HIBCH: variants seen among roughly 807,000 people sequenced by gnomAD.
HIBCH encodes the protein 3-hydroxyisobutyryl-CoA hydrolase.
Under a neutral mutation model 58.2 loss-of-function variants are expected in HIBCH, and 50 were observed. The ratio of observed to expected loss-of-function variants is 0.86; its 90% CI spans 0.68 to 1.09. HIBCH has a LOEUF of 1.09. Ranked by LOEUF, HIBCH falls within the 50% of genes least tolerant of loss-of-function variation. HIBCH has a pLI of 0.00. For missense variants in HIBCH, 450 were observed against 449.7 expected (o/e 1.00, Z -0.01); for synonymous variants, 151 against 146.9 (o/e 1.03, Z -0.20).
chr2:190,222,881 T>C (rs1685764406), intron 11 of HIBCH, among the ~76,000 whole-genome samples: 1 of 152,332 alleles, frequency 6.6e-6, no homozygotes, highest in Admixed American at 6.5e-5. Flanking sequence ...CAAATGTCCA[T>C]CAATGACAGA....
chr2:190,241,447 T>G (rs1007455365), intron 11 of HIBCH, among the ~76,000 whole-genome samples: 5 of 152,180 alleles, frequency 3.3e-5, no homozygotes, highest in African/African-American at 1.2e-4. Flanking sequence ...TTTTAATTGG[T>G]GCATTTAGCC....
At chr2:190,319,525 G>A (rs181365818) in intron 1 of HIBCH, among the ~76,000 whole-genome samples, 191 bp downstream of exon 1, 481 of 152,098 alleles carry the variant, frequency 3.2e-3, no homozygotes, top group African/African-American at 0.011. Context: ...CTGCAAAGAA[G>A]ATGCTAGAGG....
rs1010560578 is a variant in HIBCH at position 190,197,779 on chromosome 2, A to G, written c.*17+7321T>C. Among the ~76,000 whole-genome samples the G allele has an allele frequency of 6.6e-6, 1 of 152,216 alleles. No homozygotes were observed. Among genetic ancestry groups the G allele is most frequent in the Non-Finnish European group, 1.5e-5 (1 of 68,038 alleles). ...TAAAACTGGTTTTGGCAAATGCACA[A>G]ATCTGGCACTACTTTGTTAGGGTAA... On this transcript the variant is annotated intron_variant, in intron 1 of 1. Coordinates refer to the HIBCH transcript ENST00000399855. This position sits in a 1 kb window ranked among gnomAD's most constrained non-coding sequence, Gnocchi z 4.0.
chr2:190,255,835 G>C (rs547279222), intron 7 of HIBCH, among the ~76,000 whole-genome samples: 1 of 151,980 alleles, frequency 6.6e-6, no homozygotes, highest in South Asian at 2.1e-4. Context: ...AATGGAGAGA[G>C]AGAGAGAGAG....
chr2:190,266,723 C>G (rs1049041845), intron 6 of HIBCH, among the ~76,000 whole-genome samples: 1 of 148,876 alleles, frequency 6.7e-6, no homozygotes, highest in African/African-American at 2.5e-5. Flanking sequence ...CATGAGCCAC[C>G]GCACCTGGCC....
intron 11 of HIBCH, among the ~76,000 whole-genome samples, chr2:190,226,838 A>G (rs1341817896): frequency 6.6e-6 from 1 of 152,176 alleles, no homozygotes; most frequent in Non-Finnish European, 1.5e-5. Flanking sequence ...AATAGCTTCA[A>G]AGAGAATAAA....
At chr2:190,288,542 T>C (rs1367996904) in intron 5 of HIBCH, among the ~76,000 whole-genome samples, 1 of 150,806 alleles carries the variant, frequency 6.6e-6, no homozygotes, top group South Asian at 2.1e-4. Flanking sequence ...AAAATATCCA[T>C]TAATGTAGAA....
intron 6 of HIBCH, among the ~76,000 whole-genome samples, chr2:190,286,102 A>G (rs532670272): frequency 6.6e-6 from 1 of 152,198 alleles, no homozygotes; most frequent in East Asian, 1.9e-4. Flanking sequence ...TCAGCCTCCC[A>G]AAGTGCTAGG....
downstream of HIBCH, chr2:190,200,220 G>C (rs1690186895): frequency 8.0e-7 from 1 of 1,247,738 alleles, no homozygotes; most frequent in Non-Finnish European, 1.2e-6. Flanking sequence ...AAAAACTGGT[G>C]TGAAAAAGTA....
In HIBCH at chr2:190,279,995, G is replaced by C. The variant is rs1575745606; in HGVS notation, c.438+7591C>G. ...AATTACCCTGTCCCCTTTGTTCGCT[G>C]TACTCTTGTAGCAAAACTGCCGGCA... On this transcript the variant is annotated intron_variant, in intron 6 of 13. Coordinates refer to ENST00000359678, the MANE Select transcript of HIBCH (RefSeq NM_014362.4). This position sits in a 1 kb window ranked among gnomAD's most constrained non-coding sequence, Gnocchi z 4.2. 1 of 152,280 alleles carries C rather than the reference G, an allele frequency of 6.6e-6. No homozygotes were observed. The highest frequency in any genetic ancestry group is 6.5e-5 in the Admixed American group (1 of 15,280). The allele number at this position is 152,280 out of a possible 1,614,324, so 9.4% of individuals were successfully genotyped here.
intron 11 of HIBCH, among the ~76,000 whole-genome samples, chr2:190,235,026 G>A (rs1686227187): frequency 1.3e-5 from 2 of 152,156 alleles, no homozygotes. Flanking sequence ...ACTTGAGACT[G>A]TCATTACGAG....
downstream of HIBCH, chr2:190,202,383 AGCT>A (rs1403873900): frequency 1.2e-5 from 2 of 167,048 alleles, no homozygotes; most frequent in Non-Finnish European, 2.9e-5. Context: ...ATAATCAGTG[AGCT>A]AGTGGATAAA....
At chr2:190,284,693 C>T (rs990956582) in intron 6 of HIBCH, among the ~76,000 whole-genome samples, 1 of 152,142 alleles carries the variant, frequency 6.6e-6, no homozygotes, top group Non-Finnish European at 1.5e-5. Context: ...CTGTATATAA[C>T]GTATATCACT....
intron 6 of HIBCH, among the ~76,000 whole-genome samples, chr2:190,263,193 G>T (rs754951259): frequency 3.0e-4 from 45 of 152,160 alleles, no homozygotes; most frequent in Non-Finnish European, 5.7e-4. Flanking sequence ...TATTGTATTA[G>T]CTAATTTTAT....
rs368313361 is a variant in HIBCH, at chr2:190,279,169, T to C, written c.438+8417A>G. ...GGCTTTTAAAACAGACCCATTCCCA[T>C]GGTAATTAAACCATTCTTCCTGTGA... On this transcript the variant is annotated intron_variant, in intron 6 of 13. Coordinates refer to ENST00000359678, the MANE Select transcript of HIBCH (RefSeq NM_014362.4). This position sits in a 1 kb window ranked among gnomAD's most constrained non-coding sequence, Gnocchi z 4.2. Among the ~76,000 whole-genome samples the C allele has an allele frequency of 5.9e-4, 90 of 152,348 alleles. No homozygotes were observed. The highest frequency in any genetic ancestry group is 2.0e-3 in the African/African-American group (85 of 41,580).
At chr2:190,274,934 A>G (rs1687507676) in intron 6 of HIBCH, among the ~76,000 whole-genome samples, 1 of 152,214 alleles carries the variant, frequency 6.6e-6, no homozygotes, top group East Asian at 1.9e-4. Flanking sequence ...TTCTCTTACA[A>G]AAAGGTAACT....
In HIBCH at chr2:190,216,152, T is replaced by C. The variant is rs1237497875; in HGVS notation, c.892-3077A>G. ...AGGAGGTGAGAGGATGTGGAGAGAT[T>C]GGCAGGGCTGGGGGAAGGTTCTAGA... On this transcript the variant is annotated intron_variant, in intron 11 of 13. Transcript: ENST00000359678. This position sits in a 1 kb window ranked among gnomAD's most constrained non-coding sequence, Gnocchi z 4.2. The C allele has an allele frequency of 3.9e-5, 6 of 152,500 alleles. No individual in the cohort carries two copies. The highest frequency in any genetic ancestry group is 1.5e-4 in the African/African-American group (6 of 41,370). The allele number at this position is 152,500 out of a possible 1,614,324, so 9.4% of individuals were successfully genotyped here. A position where few individuals can be genotyped will look rare whatever the true frequency, so the allele number is the denominator to read the frequency against.
intron 6 of HIBCH, among the ~76,000 whole-genome samples, chr2:190,276,813 G>A (rs556364475): frequency 6.6e-6 from 1 of 152,198 alleles, no homozygotes; most frequent in African/African-American, 2.4e-5. Context: ...TTAAAAATCT[G>A]TAGATGGCAC....
chr2:190,260,063 C>T lies in HIBCH; in HGVS notation c.517+1093G>A, dbSNP rs182803887. Among the ~76,000 whole-genome samples the T allele has an allele frequency of 1.3e-4, 20 of 152,032 alleles. No individual in the cohort carries two copies. The East Asian group carries it at 3.7e-3, about 28-fold the overall frequency. On this transcript the variant is annotated intron_variant, in intron 7 of 13. Coordinates refer to ENST00000359678, the MANE Select transcript of HIBCH (RefSeq NM_014362.4). ...ACATTGTATTGGAAGTTCTATTCTA[C>T]GCAATAGGGCAAGAGAAAGAAATAA...
Sources: gnomAD v4.1 joint callset for allele counts (sites outside exome capture counted in the v4.1 genomes callset) on GRCh38, gnomAD v4.1.1 for gene constraint, Gnocchi (gnomAD v3.1) non-coding constraint, MANE v1.5 for transcripts, NCBI Gene and HGNC (gene_info 2026-07-23, HGNC 2026-07-21) for gene names.